The following RAB39A variants were observed in gnomAD, a reference collection of about 807,000 sequenced individuals.
RAB39A encodes the protein ras-related protein Rab-39A.
A neutral mutation model predicts 20.9 loss-of-function variants in RAB39A; 17 were observed. The observed-to-expected ratio is 0.81, with a 90% confidence interval of 0.56 to 1.22. The LOEUF (loss-of-function observed/expected upper bound fraction) is 1.22, where lower values mean the gene tolerates loss of function less well. RAB39A is among the 50% of genes most tolerant of loss of function. RAB39A has a pLI of 0.00. For missense variants in RAB39A, 234 were observed against 270.5 expected, an observed-to-expected ratio of 0.87 and a Z score of 0.95; for synonymous variants, 99 against 103.4, an observed-to-expected ratio of 0.96 and a Z score of 0.26.
At chr11:107,954,898 A>G (rs567595310) in intron 1 of RAB39A, among the ~76,000 whole-genome samples, 1 of 151,956 alleles carries the variant, frequency 6.6e-6, no homozygotes, top group South Asian at 2.1e-4. Flanking sequence ...TTGGTGTTCT[A>G]CCATCAGGCA....
intron 1 of RAB39A, among the ~76,000 whole-genome samples, chr11:107,946,325 TACAC>T (rs57242917): frequency 6.5e-4 from 57 of 87,300 alleles, no homozygotes; most frequent in Admixed American, 1.7e-3. Flanking sequence ...TATATATATA[TACAC>T]ACACACACAC....
chr11:107,953,931 T>C (rs566390525), intron 1 of RAB39A, among the ~76,000 whole-genome samples: 2 of 152,306 alleles, frequency 1.3e-5, no homozygotes, highest in East Asian at 1.9e-4. Flanking sequence ...TGGTGTGATA[T>C]GATCAATGAA....
intron 1 of RAB39A, among the ~76,000 whole-genome samples, chr11:107,929,681 C>A (rs1861117393): frequency 6.6e-6 from 1 of 152,100 alleles, no homozygotes; most frequent in Non-Finnish European, 1.5e-5. Flanking sequence ...TCCTAAATAT[C>A]CGCTGGGGAC....
intron 1 of RAB39A, among the ~76,000 whole-genome samples, chr11:107,961,160 A>G (rs555119356): frequency 1.3e-5 from 2 of 152,300 alleles, no homozygotes; most frequent in African/African-American, 2.4e-5. Flanking sequence ...ACAAATTACC[A>G]CAGAATGGGG....
At position 107,946,608 on chromosome 11, in the gene RAB39A, G is replaced by T. The variant is rs1350443888; in HGVS notation, c.228-15338G>T. Among the ~76,000 whole-genome samples, 12 of 149,082 alleles carry T rather than the reference G, an allele frequency of 8.0e-5. 1 individual carries two copies. The highest frequency in any genetic ancestry group is 6.9e-3 in the Middle Eastern group (2 of 290). On this transcript the variant is annotated intron_variant, in intron 1 of 1. Transcript: ENST00000320578. ...CTGCCTCAATCTCCCAAGTAGCTGGGACTACAGGCGCCCGCCACCACGCCC... is the reference window on the plus strand; with the variant it reads ...CTGCCTCAATCTCCCAAGTAGCTGGTACTACAGGCGCCCGCCACCACGCCC...
chr11:107,961,687 G>A (rs751150768), intron 1 of RAB39A, among the ~76,000 whole-genome samples: 3 of 152,184 alleles, frequency 2.0e-5, no homozygotes, highest in Admixed American at 6.5e-5. Context: ...TAATCAGACA[G>A]TATGAGATGA....
At chr11:107,952,370 T>A (rs1861390009) in intron 1 of RAB39A, among the ~76,000 whole-genome samples, 1 of 151,374 alleles carries the variant, frequency 6.6e-6, no homozygotes, top group East Asian at 1.9e-4. Flanking sequence ...TCACCTGAGG[T>A]CAAGAGTTTG....
At chr11:107,941,194 G>A (rs1001442909) in intron 1 of RAB39A, among the ~76,000 whole-genome samples, 3 of 152,104 alleles carry the variant, frequency 2.0e-5, no homozygotes, top group African/African-American at 7.2e-5. Context: ...TGAAAATGCT[G>A]GGTCATTGCA....
intron 1 of RAB39A, among the ~76,000 whole-genome samples, chr11:107,955,757 G>A (rs1255220791): frequency 6.6e-6 from 1 of 152,136 alleles, no homozygotes; most frequent in African/African-American, 2.4e-5. Context: ...AGAAGTGCTT[G>A]AACCTGGGAG....
At chr11:107,941,063 T>G (rs1486015143) in intron 1 of RAB39A, among the ~76,000 whole-genome samples, 1 of 152,206 alleles carries the variant, frequency 6.6e-6, no homozygotes, top group Non-Finnish European at 1.5e-5. Flanking sequence ...GAAGACATTA[T>G]GAAGAAAGAT....
At chr11:107,934,362 A>AG (rs1861170529) in intron 1 of RAB39A, among the ~76,000 whole-genome samples, 1 of 152,090 alleles carries the variant, frequency 6.6e-6, no homozygotes. Context: ...TGAGCCCAGG[A>AG]GGTCGAGGCT....
At chr11:107,956,331 C>T (rs1375184360) in intron 1 of RAB39A, among the ~76,000 whole-genome samples, 3 of 152,284 alleles carry the variant, frequency 2.0e-5, no homozygotes, top group African/African-American at 7.2e-5. Flanking sequence ...ACTTGAAAAC[C>T]ATTGATATTC....
At chr11:107,935,523 T>C (rs1332169846) in intron 1 of RAB39A, among the ~76,000 whole-genome samples, 3 of 151,802 alleles carry the variant, frequency 2.0e-5, no homozygotes, top group East Asian at 3.9e-4. Context: ...TACAGGCGCC[T>C]GCCACCATGC....
At chr11:107,954,522 A>C (rs769486686) in intron 1 of RAB39A, among the ~76,000 whole-genome samples, 1 of 151,324 alleles carries the variant, frequency 6.6e-6, no homozygotes, top group African/African-American at 2.4e-5. Context: ...CGTCTCTCCA[A>C]CTCTTCCTCT....
In RAB39A at chr11:107,934,974, C is replaced by T. The variant is rs10466521; in HGVS notation, c.227+6179C>T. Among the ~76,000 whole-genome samples the T allele has an allele frequency of 1.6e-3, 236 of 152,078 alleles. 1 individual carries two copies. The highest frequency in any genetic ancestry group is 5.5e-3 in the African/African-American group (227 of 41,508). On this transcript the variant is annotated intron_variant, in intron 1 of 1. Transcript: ENST00000320578. ...AAATAGAGACAGCCTCCCTCCTCTC[C>T]CTTCCCCACAGAATCTGGGAGCAGC... is the stretch of plus-strand genomic sequence containing the variant.
intron 1 of RAB39A, among the ~76,000 whole-genome samples, chr11:107,939,433 C>T (rs1420946038): frequency 5.4e-5 from 8 of 148,878 alleles, no homozygotes; most frequent in Non-Finnish European, 5.9e-5. Context: ...AGTGAAACCC[C>T]GTCTCTACTA....
chr11:107,963,381 C>A lies in RAB39A; in HGVS notation c.*1009C>A, dbSNP rs1027734. 140,028 of 152,186 alleles carry A rather than the reference C, an allele frequency of 0.92. 64,586 individuals carry two copies. Among genetic ancestry groups the A allele is most frequent in the Non-Finnish European group, 0.96 (65,035 of 68,028 alleles). The allele number at this position is 152,186 out of a possible 1,614,324, so 9.4% of individuals were successfully genotyped here. ...TGCCGTGCCTGGACTATCAGCAGCA[C>A]ATGTTTTGCTGTTACGGTGTACTGT... On this transcript the variant is annotated 3_prime_UTR_variant, in exon 2 of 2. Transcript: ENST00000320578.
In RAB39A at chr11:107,962,208, G is replaced by A. The variant is rs1283571664; in HGVS notation, c.490G>A (p.Val164Ile). Residue 164 changes from valine (V) to isoleucine (I), a missense_variant, in exon 2 of 2, where the codon GTT becomes ATT. By Grantham distance (29) the Val-to-Ile change is conservative. Transcript: ENST00000320578. ...IETSAKDATNVEESFTILTRD... is the reference protein window; with the variant it reads ...IETSAKDATNIEESFTILTRD... ...AACCTCAGCAAAGGATGCTACAAAT[G>A]TTGAAGAATCCTTCACAATCTTGAC... The A allele has an allele frequency of 3.1e-6, 5 of 1,613,928 alleles. No homozygotes were observed. Among genetic ancestry groups the A allele is most frequent in the Non-Finnish European group, 4.2e-6 (5 of 1,179,958 alleles).
chr11:107,943,827 G>T (rs902538999), intron 1 of RAB39A, among the ~76,000 whole-genome samples: 1 of 152,166 alleles, frequency 6.6e-6, no homozygotes, highest in Admixed American at 6.5e-5. Flanking sequence ...GGGTGCAGTG[G>T]CTCATGCCTG....
Sources: allele counts gnomAD v4.1 joint callset (sites outside exome capture counted in the v4.1 genomes callset), GRCh38; gene constraint gnomAD v4.1.1; transcripts MANE v1.5; gene names NCBI Gene and HGNC (gene_info 2026-07-23, HGNC 2026-07-21).